The following PPP2R1A variants were observed in gnomAD, a reference collection of about 807,000 sequenced individuals.
PPP2R1A encodes protein phosphatase 2 scaffold subunit Aalpha, also known as serine/threonine-protein phosphatase 2A 65 kDa regulatory subunit A alpha isoform.
In PPP2R1A, 15 loss-of-function variants were observed where a neutral mutation model predicts 67.1. That is an observed-to-expected ratio of 0.22 (90% CI 0.15 to 0.34). The LOEUF is 0.34. PPP2R1A is among the 10% of genes least tolerant of loss of function. The pLI, the probability that PPP2R1A is intolerant of heterozygous loss-of-function variation, is 1.00. For missense variants in PPP2R1A, 369 were observed against 775.0 expected, an observed-to-expected ratio of 0.48 and a Z score of 6.22; for synonymous variants, 337 against 325.0, an observed-to-expected ratio of 1.04 and a Z score of -0.40.
At chr19:52,207,051 A>G (rs570700325) in intron 3 of PPP2R1A, among the ~76,000 whole-genome samples, 31 of 152,318 alleles carry the variant, frequency 2.0e-4, no homozygotes, top group African/African-American at 6.7e-4. Flanking sequence ...CCCAAATAGC[A>G]TTATGTAAAG....
chr19:52,201,023 C>T (rs1418093747), intron 1 of PPP2R1A: 1 of 150,086 alleles, frequency 6.7e-6, no homozygotes, highest in Non-Finnish European at 1.5e-5. Context: ...TTTTGATGTG[C>T]ACGTCACTGG....
Position 52,211,536 on chromosome 19 carries a change from T to C in PPP2R1A, c.503+44T>C. 2.6e-6 allele frequency: 4 copies of C among 1,556,522 alleles called. No individual in the cohort carries two copies. The highest frequency in any genetic ancestry group is 2.6e-6 in the Non-Finnish European group (3 of 1,149,146). ...GGAAGCTCCAAGCTCCCATCTCAGCTCCAACCTTCTCTAAAGCCTCAGACT... is the reference window on the plus strand; with the variant it reads ...GGAAGCTCCAAGCTCCCATCTCAGCCCCAACCTTCTCTAAAGCCTCAGACT... On this transcript the variant is annotated intron_variant, in intron 4 of 14. Transcript: ENST00000322088. This position sits in a 1 kb window ranked among gnomAD's most constrained non-coding sequence, Gnocchi z 5.3.
intron 2 of PPP2R1A, among the ~76,000 whole-genome samples, chr19:52,204,138 G>A (rs2089578942): frequency 6.6e-6 from 1 of 152,218 alleles, no homozygotes; most frequent in Non-Finnish European, 1.5e-5. Flanking sequence ...GCTGTGGGGA[G>A]AGGCAGATGT....
At chr19:52,224,824 C>G (rs1205391496) in intron 13 of PPP2R1A, among the ~76,000 whole-genome samples, 1 of 152,072 alleles carries the variant, frequency 6.6e-6, no homozygotes, top group African/African-American at 2.4e-5. Flanking sequence ...CTCAGCCTTT[C>G]AAGTAGCTGG....
At chr19:52,192,709 T>G (rs1434834267) in intron 1 of PPP2R1A, among the ~76,000 whole-genome samples, 1 of 152,106 alleles carries the variant, frequency 6.6e-6, no homozygotes, top group African/African-American at 2.4e-5. Context: ...AGCAGACATT[T>G]GTAGGGAGAT....
Position 52,211,626 on chromosome 19 carries a change from C to G in PPP2R1A, c.503+134C>G. The G allele has an allele frequency of 2.3e-6, 2 of 864,156 alleles. No homozygotes were observed. Among genetic ancestry groups the G allele is most frequent in the Non-Finnish European group, 3.5e-6 (2 of 570,090 alleles). The allele number at this position is 864,156 out of a possible 1,614,324, so 53.5% of individuals were successfully genotyped here. On this transcript the variant is annotated intron_variant, in intron 4 of 14. Transcript: ENST00000322088. This position sits in a 1 kb window ranked among gnomAD's most constrained non-coding sequence, Gnocchi z 5.3. ...CTCCACTCCCACTCCTGCTTACCACCTGATAGGCCACATCCTCGAGAGTTG... is the reference window on the plus strand; with the variant it reads ...CTCCACTCCCACTCCTGCTTACCACGTGATAGGCCACATCCTCGAGAGTTG...
Position 52,219,549 on chromosome 19 carries a change from TC to T in PPP2R1A, c.1129-139del. 1.3e-6 allele frequency: 1 copy of T among 790,720 alleles called. No homozygotes were observed. The highest frequency in any genetic ancestry group is 1.9e-6 in the Non-Finnish European group (1 of 520,348). 49.0% of individuals were successfully genotyped at this position (790,720 alleles called of 1,614,324 possible). The stretch of plus-strand genomic sequence containing the variant: ...TGCTTTTTGTGTGCCGTTAATGTGT[TC>T]CCAGAACGGGGAGCTGGGCTTGGAC... On this transcript the variant is annotated intron_variant, in intron 9 of 14. Transcript: ENST00000322088. The surrounding 1 kb of genome is among the most constrained non-coding windows in gnomAD (Gnocchi z 4.0).
intron 1 of PPP2R1A, among the ~76,000 whole-genome samples, chr19:52,195,347 TAACAC>T (rs904618132): frequency 6.6e-6 from 1 of 152,216 alleles, no homozygotes; most frequent in Admixed American, 6.5e-5. Flanking sequence ...TTCTCTCACT[TAACAC>T]AACAATCAAC....
chr19:52,222,061 G>C, intron 12 of PPP2R1A, 38 bp from the exon 13 acceptor site: 1 of 1,560,554 alleles, frequency 6.4e-7, no homozygotes, highest in South Asian at 1.2e-5. Flanking sequence ...TTAGCCAGGA[G>C]CTTTGCATAC....
intron 1 of PPP2R1A, among the ~76,000 whole-genome samples, chr19:52,198,717 A>G (rs981397640): frequency 6.6e-6 from 1 of 152,216 alleles, no homozygotes; most frequent in Non-Finnish European, 1.5e-5. Context: ...CCTAAATGAC[A>G]GTATGATATT....
chr19:52,213,457 GTTTTTTTTTTTT>G lies in PPP2R1A; in HGVS notation c.807+366_807+377del, dbSNP rs398035011. ...GCCCAAAAAGGTGGGGTTTTTTGGT[GTTTTTTTTTTTT>G]TTTTTTTTTTTTTTTTTTAAGATGG... On this transcript the variant is annotated intron_variant, in intron 6 of 14. Transcript: ENST00000322088. The surrounding 1 kb of genome is among the most constrained non-coding windows in gnomAD (Gnocchi z 4.2). 2.6e-4 allele frequency among the ~76,000 whole-genome samples: 19 copies of G among 71,740 alleles called. No individual in the cohort carries two copies. Among genetic ancestry groups the G allele is most frequent in the East Asian group, 1.7e-3 (4 of 2,388 alleles). The allele number at this position is 71,740 out of a possible 152,430, so 47.1% of individuals were successfully genotyped here.
rs2089667956 is a variant in PPP2R1A, at chr19:52,211,341, G to A, written c.352G>A (p.Glu118Lys). The A allele has an allele frequency of 4.3e-6, 7 of 1,614,048 alleles. No homozygotes were observed. Among genetic ancestry groups the A allele is most frequent in the African/African-American group, 1.3e-5 (1 of 75,060 alleles). ...AVESLRAISH[E>K]HSPSDLEAHF... The stretch of plus-strand genomic sequence containing the variant: ...GGAGTCCTTACGGGCCATCTCACAC[G>A]AGCACTCGCCCTCTGACCTGGAGGC... The change falls in exon 4 of 15, where the codon GAG (glutamate) becomes AAG (lysine). Residue 118 changes from glutamate (E) to lysine (K), a missense_variant. Around this residue, in one of 2 missense-constraint regions of PPP2R1A, gnomAD observed 93 missense variants for 266.5 expected, o/e 0.35. Coordinates refer to ENST00000322088, the MANE Select transcript of PPP2R1A (RefSeq NM_014225.6). The surrounding 1 kb of genome is among the most constrained non-coding windows in gnomAD (Gnocchi z 5.3).
chr19:52,198,127 G>A (rs1325281158), intron 1 of PPP2R1A, among the ~76,000 whole-genome samples: 1 of 152,132 alleles, frequency 6.6e-6, no homozygotes, highest in Non-Finnish European at 1.5e-5. Context: ...TCTGAGGGTA[G>A]GTATTCTCAT....
In PPP2R1A at chr19:52,193,196, G is replaced by C. The variant is rs1289841529; in HGVS notation, c.78+3022G>C. Among the ~76,000 whole-genome samples, 5 of 152,330 alleles carry C rather than the reference G, an allele frequency of 3.3e-5. No individual in the cohort carries two copies. The East Asian group carries it at 9.6e-4, about 29-fold the overall frequency. On this transcript the variant is annotated intron_variant, in intron 1 of 14. Coordinates refer to ENST00000322088, the MANE Select transcript of PPP2R1A (RefSeq NM_014225.6). ...ATAACATGGCCAAAGCTGTGCAGCT[G>C]AGAAATGAAGGAGCCAGGAAAGGAA...
At chr19:52,215,665 C>A in intron 6 of PPP2R1A, 114 bp from the exon 7 acceptor site, 1 of 816,382 alleles carries the variant, frequency 1.2e-6, no homozygotes, top group Non-Finnish European at 2.0e-6. Context: ...GCACTGCTTC[C>A]AAGGCCCACG....
In PPP2R1A at chr19:52,221,086, G is replaced by A. The variant is rs969720045; in HGVS notation, c.1471G>A (p.Gly491Arg). ...CATCCCCAAGGTCTTGGCCATGTCC[G>A]GAGACCCCAACTACCTGCACCGCAT... Reference protein sequence around the residue: ...TIIPKVLAMSGDPNYLHRMTT... With the variant: ...TIIPKVLAMSRDPNYLHRMTT... Residue 491 changes from glycine (G) to arginine (R), a missense_variant, in exon 12 of 15, where the codon GGA becomes AGA. By Grantham distance (125) the Gly-to-Arg change is moderately radical (BLOSUM62 -2). Coordinates refer to ENST00000322088, the MANE Select transcript of PPP2R1A (RefSeq NM_014225.6). 14 of 1,614,102 alleles carry A rather than the reference G, an allele frequency of 8.7e-6. No individual in the cohort carries two copies. The highest frequency in any genetic ancestry group is 2.2e-5 in the East Asian group (1 of 44,894).
chr19:52,206,985 G>C (rs766794299), intron 3 of PPP2R1A, among the ~76,000 whole-genome samples: 4 of 152,118 alleles, frequency 2.6e-5, no homozygotes, highest in Non-Finnish European at 5.9e-5. Context: ...TATAAAGAAT[G>C]GTGCTTATCA....
At chr19:52,220,925 A>C in intron 11 of PPP2R1A, 54 bp from the exon 12 acceptor site, 1 of 1,594,772 alleles carries the variant, frequency 6.3e-7, no homozygotes, top group Non-Finnish European at 8.6e-7. Context: ...CATTTTGCCC[A>C]CATCAGTTCT....
Position 52,212,247 on chromosome 19 carries a change from G to C in PPP2R1A, c.504-439G>C, listed in dbSNP as rs115583726. ...ACCACAGGTGTGCAACACCACGCTG[G>C]GCTCATTTTTTATTTTTGGCAGAGA... On this transcript the variant is annotated intron_variant, in intron 4 of 14. Coordinates refer to ENST00000322088, the MANE Select transcript of PPP2R1A (RefSeq NM_014225.6). The surrounding 1 kb of genome is among the most constrained non-coding windows in gnomAD (Gnocchi z 4.1). Among the ~76,000 whole-genome samples, 48 of 152,096 alleles carry C rather than the reference G, an allele frequency of 3.2e-4. No individual in the cohort carries two copies. The highest frequency in any genetic ancestry group is 1.1e-3 in the African/African-American group (47 of 41,474).
Sources: gnomAD v4.1 joint callset for allele counts (sites outside exome capture counted in the v4.1 genomes callset) on GRCh38, gnomAD v4.1.1 for gene constraint, gnomAD v4.1.1 regional missense constraint, Gnocchi (gnomAD v3.1) non-coding constraint, MANE v1.5 for transcripts, NCBI Gene and HGNC (gene_info 2026-07-23, HGNC 2026-07-21) for gene names.